The following SHE variants were observed in gnomAD, a reference collection of about 807,000 sequenced individuals.
SHE encodes SH2 domain-containing adapter protein E.
Under a neutral mutation model 49.8 loss-of-function variants are expected in SHE, and 11 were observed. That is an observed-to-expected ratio of 0.22 (90% CI 0.14 to 0.37). The LOEUF is 0.37. SHE is among the 10% of genes least tolerant of loss of function. The pLI is 1.00. For synonymous variants in SHE, 310 were observed against 278.1 expected, an observed-to-expected ratio of 1.11 and a Z score of -1.14; for missense variants, 624 against 655.5, an observed-to-expected ratio of 0.95 and a Z score of 0.52.
At position 154,481,111 on chromosome 1, in the gene SHE, G is replaced by A. The variant is rs1389191596; in HGVS notation, c.*3038C>T. ...AAAGCCAGAGCATTCAGAGCTCAGA[G>A]AACATGTCACAGAGCTTCAGATCAG... is the stretch of plus-strand genomic sequence containing the variant. On this transcript the variant is annotated 3_prime_UTR_variant, in exon 6 of 6. Coordinates refer to ENST00000304760, the MANE Select transcript of SHE (RefSeq NM_001010846.3). The A allele has an allele frequency of 2.0e-6, 2 of 985,372 alleles. No individual in the cohort carries two copies. The highest frequency in any genetic ancestry group is 1.7e-5 in the African/African-American group (1 of 57,258). The allele number at this position is 985,372 out of a possible 1,614,324, so 61.0% of individuals were successfully genotyped here. A position where few individuals can be genotyped will look rare whatever the true frequency, so the allele number is the denominator to read the frequency against.
chr1:154,486,111 C>T (rs759697562), intron 4 of SHE, 49 bp from the exon 5 acceptor site: 5 of 1,593,120 alleles, frequency 3.1e-6, no homozygotes, highest in Non-Finnish European at 4.3e-6. Context: ...TGTCAAAATA[C>T]AAATCCAGAC....
chr1:154,501,629 C>G lies in SHE; in HGVS notation c.398G>C (p.Gly133Ala). 2 of 1,614,156 alleles carry G rather than the reference C, an allele frequency of 1.2e-6. No individual in the cohort carries two copies. The highest frequency in any genetic ancestry group is 1.7e-6 in the Non-Finnish European group (2 of 1,180,018). The change falls in exon 1 of 6, where the codon GGT becomes GCT. Residue 133 changes from glycine (G) to alanine (A), a missense_variant. Gly to Ala is a moderately conservative substitution (Grantham distance 60, BLOSUM62 0). This residue lies in a region of SHE where 337 missense variants were observed against 306.0 expected (regional missense o/e 1.10). Coordinates refer to ENST00000304760, the MANE Select transcript of SHE (RefSeq NM_001010846.3). Reference sequence around the variant, plus strand: ...GCTGCAGCCCGAGCTCTTGGTTGCACCCCGGTGGGGCTCCTCCTCCGTGGC... The same window carrying G: ...GCTGCAGCCCGAGCTCTTGGTTGCAGCCCGGTGGGGCTCCTCCTCCGTGGC... Reference protein sequence around the residue: ...SRATEEEPHRGATKSSGCSTY... With the variant: ...SRATEEEPHRAATKSSGCSTY...
chr1:154,483,897 C>G lies in SHE; in HGVS notation c.*252G>C. On this transcript the variant is annotated 3_prime_UTR_variant, in exon 6 of 6. Coordinates refer to ENST00000304760, the MANE Select transcript of SHE (RefSeq NM_001010846.3). ...CCTATAGTCCCACCTACTTGGGAGG[C>G]TGATGGGGAAGAACTGCTTGAACCC... 1.8e-6 allele frequency: 2 copies of G among 1,112,728 alleles called. No homozygotes were observed. The highest frequency in any genetic ancestry group is 2.7e-5 in the South Asian group (1 of 36,576). The allele number at this position is 1,112,728 out of a possible 1,614,324, so 68.9% of individuals were successfully genotyped here. A position where few individuals can be genotyped will look rare whatever the true frequency, so the allele number is the denominator to read the frequency against.
rs1692078597 is a variant in SHE at position 154,483,539 on chromosome 1, C to T, written c.*610G>A. 1.0e-6 allele frequency: 1 copy of T among 985,324 alleles called. No homozygotes were observed. The highest frequency in any genetic ancestry group is 1.2e-6 in the Non-Finnish European group (1 of 829,996). The allele number at this position is 985,324 out of a possible 1,614,324, so 61.0% of individuals were successfully genotyped here. ...CACATTTCTAGAGAACTCTGATGCTCCTGAACTCCTGACTTAACCTTCCTG... is the reference window on the plus strand; with the variant it reads ...CACATTTCTAGAGAACTCTGATGCTTCTGAACTCCTGACTTAACCTTCCTG... On this transcript the variant is annotated 3_prime_UTR_variant, in exon 6 of 6. Transcript: ENST00000304760.
In SHE at chr1:154,482,972, T is replaced by C; in HGVS notation, c.*1177A>G. On this transcript the variant is annotated 3_prime_UTR_variant, in exon 6 of 6. Coordinates refer to ENST00000304760, the MANE Select transcript of SHE (RefSeq NM_001010846.3). ...AAATTAAAAATTATTCCATAGCAAC[T>C]AAAATGCCCAATGATGATGAAACAA... 1 of 985,000 alleles carries C rather than the reference T, an allele frequency of 1.0e-6. No individual in the cohort carries two copies. The highest frequency in any genetic ancestry group is 1.2e-6 in the Non-Finnish European group (1 of 829,562). The allele number at this position is 985,000 out of a possible 1,614,324, so 61.0% of individuals were successfully genotyped here. A position where few individuals can be genotyped will look rare whatever the true frequency, so the allele number is the denominator to read the frequency against.
intron 2 of SHE, among the ~76,000 whole-genome samples, chr1:154,490,788 T>C (rs1342999994): frequency 1.3e-5 from 2 of 151,768 alleles, no homozygotes; most frequent in East Asian, 3.9e-4. Flanking sequence ...ACAAAACCAT[T>C]ATAAGGTTTT....
At chr1:154,495,134 T>G (rs533759899) in intron 2 of SHE, among the ~76,000 whole-genome samples, 1 of 152,300 alleles carries the variant, frequency 6.6e-6, no homozygotes, top group African/African-American at 2.4e-5. Context: ...CCTAGTAAGC[T>G]CTCAATTTAC....
chr1:154,479,230 T>A (rs1417610093), downstream of SHE, among the ~76,000 whole-genome samples: 1 of 152,192 alleles, frequency 6.6e-6, no homozygotes, highest in Non-Finnish European at 1.5e-5. Context: ...CAGGAAGAGA[T>A]GGGCCAGGAA....
downstream of SHE, among the ~76,000 whole-genome samples, chr1:154,477,743 T>C (rs1691912806): frequency 6.6e-6 from 1 of 151,958 alleles, no homozygotes; most frequent in African/African-American, 2.4e-5. Context: ...ATACAAAAAT[T>C]AGCTGGGTGT....
chr1:154,474,328 G>A (rs1691824764), intron 1 of SHE, among the ~76,000 whole-genome samples: 1 of 152,142 alleles, frequency 6.6e-6, no homozygotes, highest in Middle Eastern at 3.2e-3. Context: ...TCAAAGGAGA[G>A]GGGCAAAACT....
At chr1:154,477,506 T>C (rs1691906215), downstream of SHE, among the ~76,000 whole-genome samples, 1 of 152,202 alleles carries the variant, frequency 6.6e-6, no homozygotes. Context: ...ACACTTGGCC[T>C]ATGTTAACCA....
At chr1:154,497,709 T>TC (rs1256171974) in intron 2 of SHE, among the ~76,000 whole-genome samples, 4 of 152,120 alleles carry the variant, frequency 2.6e-5, no homozygotes, top group Admixed American at 2.6e-4. Flanking sequence ...AGACAGAGTT[T>TC]CCCTCTTGTT....
chr1:154,479,194 G>A (rs993330971), downstream of SHE, among the ~76,000 whole-genome samples: 1 of 152,178 alleles, frequency 6.6e-6, no homozygotes, highest in African/African-American at 2.4e-5. Context: ...AGTGAGGGAT[G>A]AGAACCAGTG....
chr1:154,499,374 C>T, intron 1 of SHE, 136 bp from the exon 2 acceptor site: 2 of 953,898 alleles, frequency 2.1e-6, no homozygotes, highest in Non-Finnish European at 1.5e-6. Flanking sequence ...ATAGCTTTTG[C>T]ACTTGATCAT....
Position 154,480,851 on chromosome 1 carries a change from ACT to A in SHE, c.*3296_*3297del, listed in dbSNP as rs887389702. On this transcript the variant is annotated 3_prime_UTR_variant, in exon 6 of 6. Coordinates refer to ENST00000304760, the MANE Select transcript of SHE (RefSeq NM_001010846.3). ...ATCAAAGTAAATAGCAAGGTCCTTT[ACT>A]CTCTCTTCTTATAGGCCTGAAACTA... The A allele has an allele frequency of 1.0e-6, 1 of 985,134 alleles. No individual in the cohort carries two copies. The allele number at this position is 985,134 out of a possible 1,614,324, so 61.0% of individuals were successfully genotyped here.
rs1692045952 is a variant in SHE at position 154,482,448 on chromosome 1, T to C, written c.*1701A>G. 1.0e-6 allele frequency: 1 copy of C among 985,174 alleles called. No individual in the cohort carries two copies. The allele number at this position is 985,174 out of a possible 1,614,324, so 61.0% of individuals were successfully genotyped here. A position where few individuals can be genotyped will look rare whatever the true frequency, so the allele number is the denominator to read the frequency against. ...AAGCAAAAATTTACTAACCTCTAAA[T>C]CTTACAGTCAAATGTAACTAGTAAC... is the stretch of plus-strand genomic sequence containing the variant. On this transcript the variant is annotated 3_prime_UTR_variant, in exon 6 of 6. Coordinates refer to ENST00000304760, the MANE Select transcript of SHE (RefSeq NM_001010846.3).
intron 5 of SHE, 51 bp downstream of exon 5, chr1:154,485,892 A>G (rs1357460056): frequency 1.3e-6 from 2 of 1,592,906 alleles, no homozygotes; most frequent in African/African-American, 2.7e-5. Context: ...GAAGACTGTC[A>G]CACAGTGTTC....
chr1:154,492,306 T>G (rs996481937), intron 2 of SHE, among the ~76,000 whole-genome samples: 2 of 151,856 alleles, frequency 1.3e-5, no homozygotes, highest in Non-Finnish European at 2.9e-5. Context: ...GAGTCAAGAG[T>G]GTAAAAATCC....
At chr1:154,494,193 ATTACT>A (rs1692454424) in intron 2 of SHE, among the ~76,000 whole-genome samples, 1 of 152,188 alleles carries the variant, frequency 6.6e-6, no homozygotes, top group Non-Finnish European at 1.5e-5. Context: ...AGCTTTTAAA[ATTACT>A]TTAATATTTT....
Sources: allele counts gnomAD v4.1 joint callset (sites outside exome capture counted in the v4.1 genomes callset), GRCh38; gene constraint gnomAD v4.1.1; regional missense constraint gnomAD v4.1.1; transcripts MANE v1.5; gene names NCBI Gene and HGNC (gene_info 2026-07-23, HGNC 2026-07-21).